LDLRAD3: variants seen among roughly 807,000 people sequenced by gnomAD.
The protein encoded by LDLRAD3 is low density lipoprotein receptor class A domain containing 3.
A neutral mutation model predicts 29.4 loss-of-function variants in LDLRAD3; 20 were observed. The observed-to-expected ratio is 0.68, with a 90% CI of 0.48 to 0.99. LDLRAD3 has a LOEUF of 0.99. LDLRAD3 is among the 50% of genes least tolerant of loss of function. LDLRAD3 has a pLI of 0.00. For missense variants in LDLRAD3, 420 were observed against 454.3 expected, an observed-to-expected ratio of 0.92 and a Z score of 0.69; for synonymous variants, 157 against 192.7, an observed-to-expected ratio of 0.81 and a Z score of 1.53.
rs1453233504 is a variant in LDLRAD3 at position 36,191,614 on chromosome 11, ACACACACACG to A, written c.455-35467_455-35458del. ...TATATATATATACACACACACACAC[ACACACACACG>A]CACGCACGCACGCACAAAGAAGAAA... On this transcript the variant is annotated intron_variant, in intron 4 of 5. Transcript: ENST00000315571. Among the ~76,000 whole-genome samples, 91 of 122,372 alleles carry A rather than the reference ACACACACACG, an allele frequency of 7.4e-4. 2 individuals are homozygous for A. The highest frequency in any genetic ancestry group is 1.8e-3 in the African/African-American group (56 of 31,306). 80.3% of individuals were successfully genotyped at this position (122,372 alleles called of 152,430 possible).
chr11:36,202,557 C>G (rs1855142353), intron 4 of LDLRAD3, among the ~76,000 whole-genome samples: 1 of 152,164 alleles, frequency 6.6e-6, no homozygotes, highest in Non-Finnish European at 1.5e-5. Flanking sequence ...AGATTTGAAC[C>G]ACAGATCCTG....
chr11:36,168,047 C>T (rs997407417), intron 4 of LDLRAD3, among the ~76,000 whole-genome samples: 1 of 152,206 alleles, frequency 6.6e-6, no homozygotes, highest in African/African-American at 2.4e-5. Flanking sequence ...CATCGATATT[C>T]TCCTCTACTT....
At chr11:36,119,363 G>T (rs1010247567) in intron 4 of LDLRAD3, among the ~76,000 whole-genome samples, 1 of 152,132 alleles carries the variant, frequency 6.6e-6, no homozygotes, top group Non-Finnish European at 1.5e-5. Flanking sequence ...TGGGAACTCT[G>T]TTTTAACTCT....
chr11:36,000,384 T>C (rs1851808845), intron 1 of LDLRAD3, among the ~76,000 whole-genome samples: 1 of 151,736 alleles, frequency 6.6e-6, no homozygotes, highest in Admixed American at 6.6e-5. Flanking sequence ...GAAAATGAGT[T>C]GTAAAGCAGA....
chr11:36,123,654 T>C (rs1853793011), intron 4 of LDLRAD3, among the ~76,000 whole-genome samples: 1 of 152,250 alleles, frequency 6.6e-6, no homozygotes, highest in African/African-American at 2.4e-5. Context: ...GAAACAGTTA[T>C]GCCTCTTTCA....
chr11:36,011,812 G>A (rs952583632), intron 1 of LDLRAD3, among the ~76,000 whole-genome samples: 42 of 152,140 alleles, frequency 2.8e-4, no homozygotes, highest in Admixed American at 7.9e-4. Flanking sequence ...CCGATGCAGT[G>A]TGGATTAAAT....
At chr11:36,186,971 G>A (rs1854858659) in intron 4 of LDLRAD3, among the ~76,000 whole-genome samples, 1 of 152,148 alleles carries the variant, frequency 6.6e-6, no homozygotes, top group Non-Finnish European at 1.5e-5. Flanking sequence ...TGGTTGCCAT[G>A]GCCCACAGGG....
chr11:35,947,084 G>T (rs1851066855), intron 1 of LDLRAD3, among the ~76,000 whole-genome samples: 1 of 152,194 alleles, frequency 6.6e-6, no homozygotes, highest in South Asian at 2.1e-4. Flanking sequence ...TCTGGGCCTT[G>T]AAGAGTGGTT....
At chr11:36,125,237 G>A (rs960448408) in intron 4 of LDLRAD3, among the ~76,000 whole-genome samples, 3 of 152,096 alleles carry the variant, frequency 2.0e-5, no homozygotes, top group Non-Finnish European at 4.4e-5. Context: ...CTAGATCCTG[G>A]TACACAGAGG....
intron 4 of LDLRAD3, among the ~76,000 whole-genome samples, chr11:36,183,842 T>G (rs1854803134): frequency 6.6e-6 from 1 of 152,196 alleles, no homozygotes; most frequent in African/African-American, 2.4e-5. Flanking sequence ...TTCAGTTCAT[T>G]TATTCTTTTT....
intron 4 of LDLRAD3, among the ~76,000 whole-genome samples, chr11:36,212,029 C>T (rs1209690751): frequency 6.6e-6 from 1 of 152,230 alleles, no homozygotes; most frequent in Non-Finnish European, 1.5e-5. Flanking sequence ...TTCCACCAAA[C>T]ACTACAGGTA....
At chr11:36,140,865 G>A (rs565890499) in intron 4 of LDLRAD3, among the ~76,000 whole-genome samples, 1 of 152,298 alleles carries the variant, frequency 6.6e-6, no homozygotes, top group South Asian at 2.1e-4. Flanking sequence ...GGGGTGAGCA[G>A]GCAATGCAAT....
intron 4 of LDLRAD3, among the ~76,000 whole-genome samples, chr11:36,201,040 G>C (rs1855120069): frequency 6.6e-6 from 1 of 152,200 alleles, no homozygotes. Context: ...TTGGTTTGCT[G>C]AGCATGAAAG....
chr11:36,177,401 A>G (rs760650113), intron 4 of LDLRAD3, among the ~76,000 whole-genome samples: 2 of 152,172 alleles, frequency 1.3e-5, no homozygotes, highest in Non-Finnish European at 2.9e-5. Flanking sequence ...TTGCTTTGTC[A>G]TATTACCAGA....
At chr11:36,182,708 A>G (rs1854782306) in intron 4 of LDLRAD3, among the ~76,000 whole-genome samples, 1 of 152,264 alleles carries the variant, frequency 6.6e-6, no homozygotes, top group South Asian at 2.1e-4. Context: ...ACTCACCTTC[A>G]GTTCCCTGTT....
chr11:35,975,595 G>C (rs921788227), intron 1 of LDLRAD3, among the ~76,000 whole-genome samples: 1 of 152,132 alleles, frequency 6.6e-6, no homozygotes, highest in Non-Finnish European at 1.5e-5. Context: ...TGACCTGTAG[G>C]GGGTAGAGAA....
At chr11:36,173,920 A>G (rs1854634533) in intron 4 of LDLRAD3, among the ~76,000 whole-genome samples, 1 of 152,242 alleles carries the variant, frequency 6.6e-6, no homozygotes. Context: ...ATCCTAAGCC[A>G]AAAGAGCAAA....
chr11:36,149,914 G>T (rs528998938), intron 4 of LDLRAD3, among the ~76,000 whole-genome samples: 14 of 152,292 alleles, frequency 9.2e-5, no homozygotes, highest in Admixed American at 2.0e-4. Flanking sequence ...GAATGTGGCT[G>T]AATTGAGGGC....
intron 4 of LDLRAD3, among the ~76,000 whole-genome samples, chr11:36,183,184 C>A (rs965823695): frequency 6.6e-6 from 1 of 152,164 alleles, no homozygotes; most frequent in African/African-American, 2.4e-5. Flanking sequence ...GCCCTAGACA[C>A]ACGGTGTTAG....
Sources: gnomAD v4.1 joint callset for allele counts (sites outside exome capture counted in the v4.1 genomes callset) on GRCh38, gnomAD v4.1.1 for gene constraint, MANE v1.5 for transcripts, NCBI Gene and HGNC (gene_info 2026-07-23, HGNC 2026-07-21) for gene names.